Variants in KLHL28 observed in about 807,000 individuals in gnomAD.
KLHL28 encodes the protein kelch like family member 28.
Under a neutral mutation model 48.3 loss-of-function variants are expected in KLHL28, and 22 were observed. The observed-to-expected ratio is 0.46, with a 90% confidence interval of 0.33 to 0.65. KLHL28 has a LOEUF of 0.65. KLHL28 is among the 30% of genes least tolerant of loss of function. KLHL28 has a pLI of 0.03. For missense variants in KLHL28, 527 were observed against 704.3 expected, an observed-to-expected ratio of 0.75 and a Z score of 2.85; for synonymous variants, 243 against 242.4, an observed-to-expected ratio of 1.00 and a Z score of -0.02.
At position 44,934,071 on chromosome 14, in the gene KLHL28, T is replaced by C. The variant is rs780347964; in HGVS notation, c.1343+44A>G. ...CAGAAATCATTGCTAATGAGACTTT[T>C]AAAAATCCATAAACATATGCAATTT... On this transcript the variant is annotated intron_variant, in intron 3 of 4. Coordinates refer to ENST00000396128, the MANE Select transcript of KLHL28 (RefSeq NM_017658.5). 17 of 1,461,384 alleles carry C rather than the reference T, an allele frequency of 1.2e-5. No individual in the cohort carries two copies. In the South Asian group the frequency reaches 2.3e-4, roughly 20 times the overall value. The allele number at this position is 1,461,384 out of a possible 1,614,324, so 90.5% of individuals were successfully genotyped here. A position where few individuals can be genotyped will look rare whatever the true frequency, so the allele number is the denominator to read the frequency against.
At chr14:44,932,311 G>T (rs536952113) in intron 3 of KLHL28, among the ~76,000 whole-genome samples, 97 of 151,800 alleles carry the variant, frequency 6.4e-4, no homozygotes, top group African/African-American at 2.2e-3. Context: ...GTGGCTTACT[G>T]CAAAGCAATC....
At chr14:44,936,554 G>A in intron 2 of KLHL28, among the ~76,000 whole-genome samples, 1 of 152,140 alleles carries the variant, frequency 6.6e-6, no homozygotes, top group Non-Finnish European at 1.5e-5. Flanking sequence ...ATGTTTTTAA[G>A]AGAGCAGAAG....
chr14:44,961,059 G>T, intron 1 of KLHL28: 1 of 500,244 alleles, frequency 2.0e-6, no homozygotes, highest in Non-Finnish European at 3.6e-6. Context: ...AGACACTCCA[G>T]CTCTTCCACT....
chr14:44,950,727 T>C (rs1456678236), intron 1 of KLHL28, among the ~76,000 whole-genome samples: 2 of 152,204 alleles, frequency 1.3e-5, no homozygotes, highest in Admixed American at 6.5e-5. Flanking sequence ...CAAAATTGTA[T>C]AAAAAGCAGT....
chr14:44,931,873 T>G (rs141066196), intron 3 of KLHL28, among the ~76,000 whole-genome samples: 14 of 152,230 alleles, frequency 9.2e-5, no homozygotes, highest in African/African-American at 3.4e-4. Context: ...TGCTGTGGAT[T>G]TGTGTAATCC....
rs750164721 is a variant in KLHL28 at position 44,931,413 on chromosome 14, G to A, written c.1472C>T (p.Ser491Leu). Residue 491 changes from serine to leucine, a missense_variant, in exon 4 of 5, where the codon TCA becomes TTA. Coordinates refer to ENST00000396128, the MANE Select transcript of KLHL28 (RefSeq NM_017658.5). Reference protein sequence around the residue: ...IFVVGGHNGVSHLSSIERYDP... With the variant: ...IFVVGGHNGVLHLSSIERYDP... ...GTATCTTTCAATGCTGGACAAATGT[G>A]AGACTCCATTATGTCCACCCACCAC... 5 of 1,613,938 alleles carry A rather than the reference G, an allele frequency of 3.1e-6. No individual in the cohort carries two copies. The highest frequency in any genetic ancestry group is 1.6e-4 in the Middle Eastern group (1 of 6,062).
In KLHL28 at chr14:44,925,186, T is replaced by C. The variant is rs1343783165; in HGVS notation, c.*3842A>G. 1 of 152,262 alleles carries C rather than the reference T, an allele frequency of 6.6e-6. No individual in the cohort carries two copies. The highest frequency in any genetic ancestry group is 1.9e-4 in the East Asian group (1 of 5,206). The allele number at this position is 152,262 out of a possible 1,614,324, so 9.4% of individuals were successfully genotyped here. On this transcript the variant is annotated 3_prime_UTR_variant, in exon 5 of 5. Transcript: ENST00000396128. ...GGTTATGAGGTTATCACAAGTTTAC[T>C]GAACTTTAAGCAGTAAGTGTTTATT... is the stretch of plus-strand genomic sequence containing the variant.
In KLHL28 at chr14:44,931,383, G is replaced by A. The variant is rs1170970562; in HGVS notation, c.1502C>T (p.Pro501Leu). 1.9e-6 allele frequency: 3 copies of A among 1,613,840 alleles called. No homozygotes were observed. Among genetic ancestry groups the A allele is most frequent in the East Asian group, 4.5e-5 (2 of 44,870 alleles). ...ACACACAGTCCACTGATTTTGATGA[G>A]GATCGTATCTTTCAATGCTGGACAA... The part of the protein sequence containing the change: ...SHLSSIERYD[P>L]HQNQWTVCRP... The change falls in exon 4 of 5, where the codon CCT (proline) becomes CTT (leucine). Residue 501 changes from proline (P) to leucine (L), a missense_variant. Transcript: ENST00000396128.
At chr14:44,938,515 GCGCC>G (rs1382662230) in intron 2 of KLHL28, among the ~76,000 whole-genome samples, 2 of 152,022 alleles carry the variant, frequency 1.3e-5, no homozygotes, top group Non-Finnish European at 2.9e-5. Flanking sequence ...GGGACTACAG[GCGCC>G]CACCACCACG....
In KLHL28 at chr14:44,960,877, G is replaced by C. The variant is rs1229409120; in HGVS notation, c.-1+969C>G. The stretch of plus-strand genomic sequence containing the variant: ...CCAAGACTTTAAAAAGTATTTAAGA[G>C]AAATCCCACCTGGTACAGAGCAGGG... On this transcript the variant is annotated intron_variant, in intron 1 of 4. Transcript: ENST00000396128. The C allele has an allele frequency of 7.3e-6, 11 of 1,503,276 alleles. No individual in the cohort carries two copies. In the African/African-American group the frequency reaches 1.5e-4, roughly 21 times the overall value. The allele number at this position is 1,503,276 out of a possible 1,614,324, so 93.1% of individuals were successfully genotyped here. A position where few individuals can be genotyped will look rare whatever the true frequency, so the allele number is the denominator to read the frequency against.
At chr14:44,940,118 T>C (rs66662385) in intron 2 of KLHL28, among the ~76,000 whole-genome samples, 15,551 of 152,220 alleles carry the variant, frequency 0.1, 1,110 homozygotes, top group African/African-American at 0.2. Context: ...AGTATGTATG[T>C]GAGACAAAGA....
intron 1 of KLHL28, among the ~76,000 whole-genome samples, chr14:44,955,524 C>T (rs1467642910): frequency 1.3e-5 from 2 of 152,084 alleles, no homozygotes; most frequent in Admixed American, 6.6e-5. Flanking sequence ...TAGTATAATC[C>T]CAGCACTTTG....
chr14:44,940,859 T>C (rs1193503469), intron 2 of KLHL28, among the ~76,000 whole-genome samples: 1 of 152,176 alleles, frequency 6.6e-6, no homozygotes, highest in East Asian at 1.9e-4. Flanking sequence ...TAAAAATACT[T>C]GGGAGGCTGA....
At chr14:44,929,302 T>C (rs1398422335) in intron 4 of KLHL28, 111 bp from the exon 5 acceptor site, 2 of 998,566 alleles carry the variant, frequency 2.0e-6, no homozygotes, top group Admixed American at 5.8e-5. Context: ...ATTTTAACAA[T>C]CTATTATTAA....
Position 44,928,910 on chromosome 14 carries a change from A to G in KLHL28, c.*118T>C, listed in dbSNP as rs1883471721. ...TACCCAACAAAACTTTTGAGCCTTC[A>G]TGCTACTTCAAGTTAAAAAGAAAGC... On this transcript the variant is annotated 3_prime_UTR_variant, in exon 5 of 5. Coordinates refer to ENST00000396128, the MANE Select transcript of KLHL28 (RefSeq NM_017658.5). 1.2e-6 allele frequency: 1 copy of G among 869,562 alleles called. No individual in the cohort carries two copies. Among genetic ancestry groups the G allele is most frequent in the Non-Finnish European group, 1.7e-6 (1 of 574,506 alleles). The allele number at this position is 869,562 out of a possible 1,614,324, so 53.9% of individuals were successfully genotyped here.
intron 4 of KLHL28, among the ~76,000 whole-genome samples, chr14:44,929,810 G>A (rs1278883367): frequency 6.6e-6 from 1 of 152,140 alleles, no homozygotes; most frequent in Non-Finnish European, 1.5e-5. Flanking sequence ...CTAGGACCCT[G>A]TCTAGACACT....
chr14:44,928,969 T>C lies in KLHL28; in HGVS notation c.*59A>G. 6.6e-7 allele frequency: 1 copy of C among 1,517,032 alleles called. No individual in the cohort carries two copies. Among genetic ancestry groups the C allele is most frequent in the South Asian group, 1.2e-5 (1 of 84,960 alleles). 94.0% of individuals were successfully genotyped at this position (1,517,032 alleles called of 1,614,324 possible). On this transcript the variant is annotated 3_prime_UTR_variant, in exon 5 of 5. Transcript: ENST00000396128. ...TTGTGGGTTTCAGAAAACTGGGCCATCCGGATGTTCATGCAGTACAAGTTT... is the reference window on the plus strand; with the variant it reads ...TTGTGGGTTTCAGAAAACTGGGCCACCCGGATGTTCATGCAGTACAAGTTT...
Position 44,925,426 on chromosome 14 carries a change from G to A in KLHL28, c.*3602C>T, listed in dbSNP as rs1883345089. The stretch of plus-strand genomic sequence containing the variant: ...GAGATTTGGAGTTCTATAAATATTA[G>A]GTTTTTTAATATTTCTTTTTCATGC... On this transcript the variant is annotated 3_prime_UTR_variant, in exon 5 of 5. Transcript: ENST00000396128. The A allele has an allele frequency of 6.6e-6, 1 of 151,974 alleles. No individual in the cohort carries two copies. Among genetic ancestry groups the A allele is most frequent in the South Asian group, 2.1e-4 (1 of 4,820 alleles). 9.4% of individuals were successfully genotyped at this position (151,974 alleles called of 1,614,324 possible).
intron 2 of KLHL28, among the ~76,000 whole-genome samples, chr14:44,939,479 A>G (rs1440160748): frequency 6.6e-6 from 1 of 152,162 alleles, no homozygotes; most frequent in African/African-American, 2.4e-5. Context: ...ATTTAATTAT[A>G]AATTCCATTT....
Sources: gnomAD v4.1 joint callset for allele counts (sites outside exome capture counted in the v4.1 genomes callset) on GRCh38, gnomAD v4.1.1 for gene constraint, MANE v1.5 for transcripts, NCBI Gene and HGNC (gene_info 2026-07-23, HGNC 2026-07-21) for gene names.